Variants in RABGAP1L observed in about 807,000 individuals in gnomAD.
RABGAP1L encodes rab GTPase-activating protein 1-like.
A neutral mutation model predicts 137.7 loss-of-function variants in RABGAP1L; 63 were observed. That is an observed-to-expected ratio of 0.46 (90% confidence interval 0.37 to 0.56). The LOEUF (loss-of-function observed/expected upper bound fraction) is 0.56, where lower values mean the gene tolerates loss of function less well. Ranked by LOEUF, RABGAP1L falls within the 20% of genes least tolerant of loss-of-function variation. RABGAP1L has a pLI of 0.00. For missense variants in RABGAP1L, 1,095 were observed against 1,244.0 expected, an observed-to-expected ratio of 0.88 and a Z score of 1.80; for synonymous variants, 431 against 433.7, an observed-to-expected ratio of 0.99 and a Z score of 0.08.
chr1:174,464,977 C>T (rs976708123), intron 13 of RABGAP1L, among the ~76,000 whole-genome samples: 7 of 152,000 alleles, frequency 4.6e-5, no homozygotes, highest in Non-Finnish European at 8.8e-5. Flanking sequence ...AAAATACTTC[C>T]TAATTAATGA....
At chr1:174,598,277 G>A (rs891698738) in intron 13 of RABGAP1L, among the ~76,000 whole-genome samples, 4 of 145,316 alleles carry the variant, frequency 2.8e-5, no homozygotes, top group African/African-American at 5.2e-5. Flanking sequence ...GCAGTGAGCC[G>A]AGATCGCATC....
At chr1:174,269,283 G>C (rs146924520) in intron 7 of RABGAP1L, among the ~76,000 whole-genome samples, 1 of 152,242 alleles carries the variant, frequency 6.6e-6, no homozygotes, top group Non-Finnish European at 1.5e-5. Flanking sequence ...TTACGTTGAC[G>C]TAATGAACAT....
chr1:174,174,140 G>C (rs1247271468), intron 1 of RABGAP1L, among the ~76,000 whole-genome samples: 1 of 151,042 alleles, frequency 6.6e-6, no homozygotes, highest in African/African-American at 2.4e-5. Flanking sequence ...TAAACATACT[G>C]ATAACAAGAC....
At chr1:174,366,551 C>T (rs1470383890) in intron 11 of RABGAP1L, among the ~76,000 whole-genome samples, 1 of 152,002 alleles carries the variant, frequency 6.6e-6, no homozygotes, top group Non-Finnish European at 1.5e-5. Context: ...GGACAGATCA[C>T]TTGAGGTCAG....
chr1:174,814,409 A>C (rs929069344), intron 19 of RABGAP1L, among the ~76,000 whole-genome samples: 1 of 152,158 alleles, frequency 6.6e-6, no homozygotes, highest in African/African-American at 2.4e-5. Context: ...ACGGGACACC[A>C]TTTCATTTAT....
rs151313968 is a variant in RABGAP1L, at chr1:174,193,335, C to T, written c.-33-25790C>T. ...TCATCTGAGGTCAGGAGTTCAAGAC[C>T]ACCCTTGCCAACATGACAAAACCCT... On this transcript the variant is annotated intron_variant, in intron 1 of 25. Transcript: ENST00000681986. Among the ~76,000 whole-genome samples, 763 of 152,306 alleles carry T rather than the reference C, an allele frequency of 5.0e-3. 1 individual carries two copies. Among genetic ancestry groups the T allele is most frequent in the Middle Eastern group, 0.017 (5 of 294 alleles).
intron 13 of RABGAP1L, among the ~76,000 whole-genome samples, chr1:174,534,650 C>G (rs1664738414): frequency 6.6e-6 from 1 of 151,432 alleles, no homozygotes; most frequent in South Asian, 2.1e-4. Flanking sequence ...TGTCATGTAC[C>G]TATAATCGCA....
At chr1:174,666,522 A>G (rs1422601328) in intron 14 of RABGAP1L, among the ~76,000 whole-genome samples, 1 of 152,222 alleles carries the variant, frequency 6.6e-6, no homozygotes, top group African/African-American at 2.4e-5. Flanking sequence ...CAAATATGTC[A>G]GTATGTTAGC....
At chr1:174,833,781 A>C (rs1482466105) in intron 19 of RABGAP1L, among the ~76,000 whole-genome samples, 1 of 152,054 alleles carries the variant, frequency 6.6e-6, no homozygotes, top group East Asian at 1.9e-4. Flanking sequence ...TAACACAAAA[A>C]TAATATAAAA....
chr1:174,832,018 T>C (rs1243540059), intron 19 of RABGAP1L, among the ~76,000 whole-genome samples: 1 of 147,522 alleles, frequency 6.8e-6, no homozygotes, highest in African/African-American at 2.5e-5. Flanking sequence ...CCAGGCTAGG[T>C]GCGGTGGTTC....
chr1:174,833,432 ATG>A (rs1482968823), intron 19 of RABGAP1L, among the ~76,000 whole-genome samples: 1 of 105,998 alleles, frequency 9.4e-6, no homozygotes, highest in Non-Finnish European at 2.1e-5. Flanking sequence ...GTATATATAT[ATG>A]TGTGTGTGTG....
At chr1:174,836,989 C>T (rs1309632890) in intron 19 of RABGAP1L, among the ~76,000 whole-genome samples, 5 of 152,248 alleles carry the variant, frequency 3.3e-5, no homozygotes, top group African/African-American at 7.2e-5. Flanking sequence ...GGCAAATCAC[C>T]TGAGGTCAGG....
intron 19 of RABGAP1L, among the ~76,000 whole-genome samples, chr1:174,823,313 A>G (rs553247141): frequency 8.5e-5 from 13 of 152,212 alleles, no homozygotes; most frequent in Non-Finnish European, 1.8e-4. Context: ...TATCTATCAG[A>G]GTTGCCATAA....
At chr1:174,386,891 C>G (rs1173234056) in intron 12 of RABGAP1L, among the ~76,000 whole-genome samples, 1 of 152,126 alleles carries the variant, frequency 6.6e-6, no homozygotes, top group East Asian at 1.9e-4. Flanking sequence ...CCAGGCAGTA[C>G]TTGAAGCTTC....
At chr1:174,568,715 G>A (rs1667750950) in intron 13 of RABGAP1L, among the ~76,000 whole-genome samples, 1 of 152,156 alleles carries the variant, frequency 6.6e-6, no homozygotes, top group South Asian at 2.1e-4. Flanking sequence ...TTGTGTGTTT[G>A]TGTAAGTGTG....
intron 19 of RABGAP1L, among the ~76,000 whole-genome samples, chr1:174,906,663 G>A (rs2149178785): frequency 6.6e-6 from 1 of 151,906 alleles, no homozygotes; most frequent in South Asian, 2.1e-4. Flanking sequence ...AATAGTAATA[G>A]AAAACTTTCC....
intron 13 of RABGAP1L, among the ~76,000 whole-genome samples, chr1:174,459,004 T>A (rs1025891226): frequency 4.6e-5 from 7 of 152,120 alleles, no homozygotes; most frequent in African/African-American, 1.7e-4. Context: ...TCAACACCAA[T>A]GTATGACATT....
intron 17 of RABGAP1L, among the ~76,000 whole-genome samples, chr1:174,723,793 C>T (rs1014181025): frequency 1.3e-5 from 2 of 152,144 alleles, no homozygotes; most frequent in African/African-American, 4.8e-5. Context: ...CCTTGTTTTT[C>T]CCTTTTCTTA....
At chr1:174,550,545 A>G (rs1250071847) in intron 13 of RABGAP1L, among the ~76,000 whole-genome samples, 1 of 152,154 alleles carries the variant, frequency 6.6e-6, no homozygotes, top group Non-Finnish European at 1.5e-5. Flanking sequence ...ATTATTTGTC[A>G]TTAAAAATTC....
Sources: gnomAD v4.1 joint callset for allele counts (sites outside exome capture counted in the v4.1 genomes callset) on GRCh38, gnomAD v4.1.1 for gene constraint, MANE v1.5 for transcripts, NCBI Gene and HGNC (gene_info 2026-07-23, HGNC 2026-07-21) for gene names.